The following BFSP2 variants were observed in gnomAD, a reference collection of about 807,000 sequenced individuals.
BFSP2 encodes phakinin.
A neutral mutation model predicts 44.9 loss-of-function variants in BFSP2; 38 were observed. The observed-to-expected ratio is 0.85, with a 90% CI of 0.65 to 1.11. The LOEUF (loss-of-function observed/expected upper bound fraction) is 1.11. Ranked by LOEUF, BFSP2 falls within the 50% of genes least tolerant of loss-of-function variation. BFSP2 has a pLI of 0.00. For missense variants in BFSP2, 525 were observed against 533.0 expected, an observed-to-expected ratio of 0.99 and a Z score of 0.15; for synonymous variants, 197 against 209.9, an observed-to-expected ratio of 0.94 and a Z score of 0.53.
chr3:133,467,232 C>G (rs1477688500), intron 5 of BFSP2, among the ~76,000 whole-genome samples: 1 of 152,204 alleles, frequency 6.6e-6, no homozygotes, highest in Non-Finnish European at 1.5e-5. Flanking sequence ...TTCAGCTGCC[C>G]CACTGCTCCA....
At chr3:133,417,602 AC>A (rs2073551902) in intron 1 of BFSP2, among the ~76,000 whole-genome samples, 1 of 81,986 alleles carries the variant, frequency 1.2e-5, no homozygotes, top group African/African-American at 5.8e-5. Flanking sequence ...CCCTCTACTC[AC>A]TCCTCTACTC....
intron 1 of BFSP2, among the ~76,000 whole-genome samples, chr3:133,411,177 A>C (rs1197394): frequency 5.7e-5 from 3 of 53,080 alleles, no homozygotes; most frequent in Non-Finnish European, 1.1e-4. Flanking sequence ...TCAGTATAAC[A>C]CCGAAAAAAA....
intron 1 of BFSP2, among the ~76,000 whole-genome samples, chr3:133,415,074 T>TCAACCC (rs2073504199): frequency 7.8e-6 from 1 of 128,720 alleles, no homozygotes. Flanking sequence ...TCCCCTCTAC[T>TCAACCC]TGCCCCAGTC....
At chr3:133,431,369 G>A (rs991602716) in intron 1 of BFSP2, among the ~76,000 whole-genome samples, 14 of 152,220 alleles carry the variant, frequency 9.2e-5, no homozygotes, top group Middle Eastern at 3.4e-3. Flanking sequence ...GCAGCCAGGC[G>A]TTCCTCCAGA....
chr3:133,427,357 T>G (rs1303496473), intron 1 of BFSP2, among the ~76,000 whole-genome samples: 3 of 152,188 alleles, frequency 2.0e-5, no homozygotes, highest in Admixed American at 6.5e-5. Context: ...GCAGAACAGG[T>G]GTCATTACCT....
chr3:133,430,048 T>C (rs1171056819), intron 1 of BFSP2, among the ~76,000 whole-genome samples: 2 of 151,210 alleles, frequency 1.3e-5, no homozygotes, highest in Non-Finnish European at 2.9e-5. Context: ...GAATGATGGT[T>C]TCCAGTTTCA....
At chr3:133,463,091 C>T (rs1307398971) in intron 4 of BFSP2, among the ~76,000 whole-genome samples, 2 of 152,142 alleles carry the variant, frequency 1.3e-5, no homozygotes, top group African/African-American at 2.4e-5. Flanking sequence ...GGCGGATCAA[C>T]TGAGGTCAGG....
intron 4 of BFSP2, among the ~76,000 whole-genome samples, chr3:133,454,912 G>A (rs894842703): frequency 2.0e-5 from 3 of 151,594 alleles, no homozygotes; most frequent in African/African-American, 7.3e-5. Context: ...AACTTTTTTT[G>A]TTAAAAACTA....
intron 4 of BFSP2, among the ~76,000 whole-genome samples, chr3:133,464,703 A>G (rs1378758283): frequency 2.5e-4 from 38 of 152,206 alleles, no homozygotes; most frequent in Admixed American, 2.5e-3. Flanking sequence ...AGGCTTCAGC[A>G]TGCTTAATCT....
chr3:133,413,260 C>G (rs1020061988), intron 1 of BFSP2, among the ~76,000 whole-genome samples: 1 of 151,856 alleles, frequency 6.6e-6, no homozygotes, highest in African/African-American at 2.4e-5. Context: ...GCAGGGGAAG[C>G]CTTCAGAACT....
chr3:133,433,490 C>A (rs1449468410), intron 1 of BFSP2, among the ~76,000 whole-genome samples: 1 of 152,142 alleles, frequency 6.6e-6, no homozygotes, highest in African/African-American at 2.4e-5. Flanking sequence ...GGATTTGCCC[C>A]CACCCAGGAC....
intron 1 of BFSP2, among the ~76,000 whole-genome samples, chr3:133,431,844 CCTT>C (rs1429599063): frequency 5.9e-5 from 9 of 152,114 alleles, no homozygotes; most frequent in Admixed American, 5.9e-4. Flanking sequence ...TTTAAGCACT[CCTT>C]TTTAGTTATC....
chr3:133,437,680 A>G (rs1415750184), intron 1 of BFSP2, among the ~76,000 whole-genome samples: 1 of 152,182 alleles, frequency 6.6e-6, no homozygotes, highest in Non-Finnish European at 1.5e-5. Flanking sequence ...AAGAAAAAGA[A>G]AGAAAAAGGA....
chr3:133,400,613 G>A lies in BFSP2; in HGVS notation c.489+41G>A. The A allele has an allele frequency of 3.8e-6, 6 of 1,561,854 alleles. No homozygotes were observed. Among genetic ancestry groups the A allele is most frequent in the Non-Finnish European group, 4.3e-6 (5 of 1,153,794 alleles). ...GTGCCAAGGGCTTTGCAGAGGGCTGGGAGGGGCTGCTGAAGGCAGCGGGTA... is the reference window on the plus strand; with the variant it reads ...GTGCCAAGGGCTTTGCAGAGGGCTGAGAGGGGCTGCTGAAGGCAGCGGGTA... On this transcript the variant is annotated intron_variant, in intron 1 of 6. Transcript: ENST00000302334. The surrounding 1 kb of genome is among the most constrained non-coding windows in gnomAD (Gnocchi z 4.0).
At position 133,450,296 on chromosome 3, in the gene BFSP2, T is replaced by C. The variant is rs75746794; in HGVS notation, c.730-7T>C. 2.7e-4 allele frequency: 438 copies of C among 1,614,154 alleles called. 3 individuals carry two copies. The East Asian group carries it at 9.6e-3, about 35-fold the overall frequency. ...AACTCATCTAAGATGTATATTGTTG[T>C]TTTCAGGATGTGAAGCTGCTGCACA... On this transcript the variant is annotated splice_polypyrimidine_tract_variant and splice_region_variant and intron_variant, in intron 3 of 6. Coordinates refer to ENST00000302334, the MANE Select transcript of BFSP2 (RefSeq NM_003571.4).
At chr3:133,425,547 C>T (rs1050510521) in intron 1 of BFSP2, among the ~76,000 whole-genome samples, 2 of 152,150 alleles carry the variant, frequency 1.3e-5, no homozygotes, top group South Asian at 2.1e-4. Flanking sequence ...ACATCACACT[C>T]GTTTTAAGCC....
At chr3:133,444,287 C>T (rs1214709965) in intron 1 of BFSP2, among the ~76,000 whole-genome samples, 2 of 152,118 alleles carry the variant, frequency 1.3e-5, no homozygotes, top group African/African-American at 2.4e-5. Context: ...GGCTACCGTT[C>T]ATGCAATATT....
intron 1 of BFSP2, among the ~76,000 whole-genome samples, chr3:133,414,390 T>TTTCCC (rs2073487513): frequency 7.2e-5 from 3 of 41,580 alleles, no homozygotes; most frequent in African/African-American, 1.0e-4. Flanking sequence ...ACCCCTGCCG[T>TTTCCC]CTCTACTCAC....
chr3:133,430,139 T>A (rs965505019), intron 1 of BFSP2, among the ~76,000 whole-genome samples: 2 of 152,092 alleles, frequency 1.3e-5, no homozygotes, highest in Admixed American at 1.3e-4. Flanking sequence ...CCACATTTTC[T>A]TAATCCAGTC....
Sources: allele counts gnomAD v4.1 joint callset (sites outside exome capture counted in the v4.1 genomes callset), GRCh38; gene constraint gnomAD v4.1.1; non-coding constraint Gnocchi (gnomAD v3.1); transcripts MANE v1.5; gene names NCBI Gene and HGNC (gene_info 2026-07-23, HGNC 2026-07-21).